Variants in UNC13C observed in about 807,000 individuals in gnomAD.
UNC13C encodes unc-13 homolog C, also known as protein unc-13 homolog C.
A neutral mutation model predicts 245.4 loss-of-function variants in UNC13C; 174 were observed. That is an observed-to-expected ratio of 0.71 (90% CI 0.63 to 0.80). The LOEUF (loss-of-function observed/expected upper bound fraction) is 0.80, where lower values mean the gene tolerates loss of function less well. UNC13C is among the 30% of genes least tolerant of loss of function. The pLI, the probability that UNC13C is intolerant of heterozygous loss-of-function variation, is 0.00. For synonymous variants in UNC13C, 992 were observed against 895.1 expected, an observed-to-expected ratio of 1.11 and a Z score of -1.93; for missense variants, 2,829 against 2,602.9, an observed-to-expected ratio of 1.09 and a Z score of -1.89.
At chr15:54,343,016 T>C (rs2038770936) in intron 17 of UNC13C, among the ~76,000 whole-genome samples, 1 of 152,218 alleles carries the variant, frequency 6.6e-6, no homozygotes. Context: ...TAATCTCTAC[T>C]TTCCATCTTC....
intron 26 of UNC13C, among the ~76,000 whole-genome samples, chr15:54,546,308 A>G (rs558356195): frequency 1.9e-4 from 29 of 152,250 alleles, no homozygotes; most frequent in Middle Eastern, 6.8e-3. Flanking sequence ...ATCACACACC[A>G]GGGCCTGTCG....
At chr15:54,557,064 T>G (rs1290515740) in intron 29 of UNC13C, among the ~76,000 whole-genome samples, 1 of 152,040 alleles carries the variant, frequency 6.6e-6, no homozygotes, top group Admixed American at 6.6e-5. Flanking sequence ...TATCCTATCT[T>G]CCTGTTTATA....
At chr15:54,250,043 T>C (rs188707712) in intron 7 of UNC13C, among the ~76,000 whole-genome samples, 182 bp from the exon 8 acceptor site, 32 of 152,246 alleles carry the variant, frequency 2.1e-4, no homozygotes, top group Admixed American at 1.8e-3. Flanking sequence ...CCCTAAAACA[T>C]TGAGAGAAGA....
At chr15:54,232,914 G>A (rs143568137) in intron 4 of UNC13C, among the ~76,000 whole-genome samples, 154 of 152,236 alleles carry the variant, frequency 1.0e-3, no homozygotes, top group African/African-American at 3.6e-3. Flanking sequence ...TGTATTTGAT[G>A]TTTTGAATGT....
chr15:54,260,693 TTATA>T (rs561203937), intron 8 of UNC13C, among the ~76,000 whole-genome samples: 1 of 148,380 alleles, frequency 6.7e-6, no homozygotes, highest in Non-Finnish European at 1.5e-5. Flanking sequence ...TATAAAGAAG[TTATA>T]TATAGTCATA....
intron 17 of UNC13C, among the ~76,000 whole-genome samples, chr15:54,352,119 G>A (rs2038996130): frequency 2.6e-5 from 4 of 151,396 alleles, no homozygotes; most frequent in South Asian, 2.1e-4. Context: ...TAAAGCAAGA[G>A]GTCAGGAACT....
intron 25 of UNC13C, among the ~76,000 whole-genome samples, chr15:54,527,383 G>A (rs1895519272): frequency 6.6e-6 from 1 of 151,928 alleles, no homozygotes; most frequent in African/African-American, 2.4e-5. Context: ...AGCAAAGTTA[G>A]GGGGAGGAAA....
At chr15:53,857,524 A>C in the UNC13C span, among the ~76,000 whole-genome samples, 1 of 152,182 alleles carries the variant, frequency 6.6e-6, no homozygotes, top group Admixed American at 6.6e-5. Flanking sequence ...AAGTCTTAAG[A>C]AAGACATTAC....
chr15:54,573,875 C>T (rs904992210), intron 30 of UNC13C, among the ~76,000 whole-genome samples: 3 of 152,118 alleles, frequency 2.0e-5, no homozygotes, highest in African/African-American at 7.2e-5. Flanking sequence ...ACACCCTAAT[C>T]TAACACAGGC....
chr15:53,939,606 G>A, the UNC13C span, among the ~76,000 whole-genome samples: 4 of 152,082 alleles, frequency 2.6e-5, no homozygotes, highest in African/African-American at 9.7e-5. Context: ...CTAGCAAACC[G>A]AATCCAGCAG....
the UNC13C span, among the ~76,000 whole-genome samples, chr15:53,963,520 G>A: frequency 6.6e-6 from 1 of 152,258 alleles, no homozygotes; most frequent in African/African-American, 2.4e-5. Flanking sequence ...ATACCCATAT[G>A]GGACAATACA....
intron 1 of UNC13C, among the ~76,000 whole-genome samples, chr15:54,005,643 T>C (rs1039211479): frequency 3.3e-5 from 5 of 152,238 alleles, no homozygotes; most frequent in African/African-American, 7.2e-5. Flanking sequence ...GTTCAGACTA[T>C]ATAGACTGTA....
rs113080501 is a variant in UNC13C, at chr15:54,242,178, A to G, written c.3228+4488A>G. 5.3e-5 allele frequency among the ~76,000 whole-genome samples: 8 copies of G among 152,324 alleles called. 1 individual carries two copies. The highest frequency in any genetic ancestry group is 1.9e-4 in the African/African-American group (8 of 41,572). On this transcript the variant is annotated intron_variant, in intron 7 of 32. Transcript: ENST00000260323. ...ACTAGCTTAATAAGATAAGTGAGGA[A>G]GATTTCCTTTTTTTCCTTCTCTGGG...
chr15:53,945,271 G>T, the UNC13C span, among the ~76,000 whole-genome samples: 38 of 152,056 alleles, frequency 2.5e-4, no homozygotes, highest in African/African-American at 9.2e-4. Context: ...GTCAACTTTT[G>T]CTTTTGTTGC....
chr15:54,257,873 A>G (rs1214883371), intron 8 of UNC13C, among the ~76,000 whole-genome samples: 1 of 152,194 alleles, frequency 6.6e-6, no homozygotes, highest in Non-Finnish European at 1.5e-5. Flanking sequence ...TATCTTGGAT[A>G]TAAAACATCT....
chr15:54,024,516 T>C (rs894641041), intron 2 of UNC13C, among the ~76,000 whole-genome samples: 2 of 152,280 alleles, frequency 1.3e-5, no homozygotes, highest in Non-Finnish European at 2.9e-5. Flanking sequence ...GCACTAAAGA[T>C]AGTAGCTTAG....
At chr15:53,926,910 GT>G in the UNC13C span, among the ~76,000 whole-genome samples, 5 of 152,194 alleles carry the variant, frequency 3.3e-5, no homozygotes, top group Non-Finnish European at 5.9e-5. Flanking sequence ...GATAAACTGA[GT>G]TGGACTGGAC....
chr15:54,616,595 A>T (rs995561887), intron 30 of UNC13C, among the ~76,000 whole-genome samples: 1 of 150,514 alleles, frequency 6.6e-6, no homozygotes, highest in Non-Finnish European at 1.5e-5. Context: ...AAAGTCTTTA[A>T]AATAGAAAAA....
chr15:54,416,733 T>C (rs1280642056), intron 19 of UNC13C, among the ~76,000 whole-genome samples: 1 of 152,180 alleles, frequency 6.6e-6, no homozygotes, highest in Non-Finnish European at 1.5e-5. Flanking sequence ...ATCAGGCATC[T>C]GAAGATTTTT....
Sources: allele counts gnomAD v4.1 joint callset (sites outside exome capture counted in the v4.1 genomes callset), GRCh38; gene constraint gnomAD v4.1.1; transcripts MANE v1.5; gene names NCBI Gene and HGNC (gene_info 2026-07-23, HGNC 2026-07-21).